Variants in SOX6 observed in about 807,000 individuals in gnomAD.
SOX6 encodes the protein transcription factor SOX-6.
Under a neutral mutation model 97.8 loss-of-function variants are expected in SOX6, and 11 were observed. The ratio of observed to expected loss-of-function variants is 0.11; its 90% confidence interval spans 0.07 to 0.19. The LOEUF (loss-of-function observed/expected upper bound fraction) is 0.19, where lower values mean the gene tolerates loss of function less well. Ranked by LOEUF, SOX6 falls within the 10% of genes least tolerant of loss-of-function variation. The probability of loss-of-function intolerance (pLI) is 1.00; values close to 1 mark genes in which losing one functional copy is unlikely to be tolerated. For missense variants in SOX6, 810 were observed against 1,039.5 expected, an observed-to-expected ratio of 0.78 and a Z score of 3.04; for synonymous variants, 360 against 371.4, an observed-to-expected ratio of 0.97 and a Z score of 0.35.
intron 4 of SOX6, among the ~76,000 whole-genome samples, chr11:16,192,686 T>A (rs773306890): frequency 1.3e-5 from 2 of 152,028 alleles, no homozygotes; most frequent in Non-Finnish European, 2.9e-5. Flanking sequence ...TCAAAACAGA[T>A]GAGAATTTAG....
intron 3 of SOX6, among the ~76,000 whole-genome samples, chr11:16,691,008 A>T (rs1444255774): frequency 6.6e-6 from 1 of 152,204 alleles, no homozygotes; most frequent in Non-Finnish European, 1.5e-5. Context: ...CGTCTACAGG[A>T]TAGGGGAAAC....
At chr11:16,421,268 C>T (rs4757398) in intron 1 of SOX6, among the ~76,000 whole-genome samples, 28,204 of 151,880 alleles carry the variant, frequency 0.19, 2,991 homozygotes, top group Admixed American at 0.31. Flanking sequence ...AGATTGAAGA[C>T]AAACACAATG....
intron 3 of SOX6, among the ~76,000 whole-genome samples, chr11:16,261,471 AT>A (rs1853894473): frequency 6.6e-6 from 1 of 152,132 alleles, no homozygotes; most frequent in South Asian, 2.1e-4. Context: ...CACAGAAAAC[AT>A]TTCAAAGGGA....
chr11:16,694,345 CAG>C (rs1261407221), intron 3 of SOX6, among the ~76,000 whole-genome samples: 1 of 152,006 alleles, frequency 6.6e-6, no homozygotes, highest in Admixed American at 6.6e-5. Flanking sequence ...CTGGGCAACA[CAG>C]AGAGACTGTG....
chr11:16,732,043 G>A (rs185569943), intron 2 of SOX6, among the ~76,000 whole-genome samples: 11 of 152,162 alleles, frequency 7.2e-5, no homozygotes, highest in Admixed American at 1.3e-4. Context: ...TGATGTGAAG[G>A]ACCTCTTCAA....
At chr11:16,682,809 C>T (rs1847938395) in intron 3 of SOX6, among the ~76,000 whole-genome samples, 1 of 152,192 alleles carries the variant, frequency 6.6e-6, no homozygotes, top group South Asian at 2.1e-4. Flanking sequence ...TCTCTGTTTG[C>T]AGATGACATG....
intron 4 of SOX6, among the ~76,000 whole-genome samples, chr11:16,559,232 G>T (rs554055557): frequency 1.3e-5 from 2 of 151,984 alleles, no homozygotes; most frequent in African/African-American, 4.8e-5. Flanking sequence ...GTATCATAAT[G>T]GTATCTGAAA....
chr11:16,720,165 C>A (rs943764070), intron 2 of SOX6, among the ~76,000 whole-genome samples: 8 of 151,668 alleles, frequency 5.3e-5, no homozygotes, highest in Admixed American at 2.0e-4. Context: ...ACTAGAAATA[C>A]CATTTGACCC....
At chr11:16,635,025 C>T (rs1461587393) in intron 3 of SOX6, among the ~76,000 whole-genome samples, 1 of 152,130 alleles carries the variant, frequency 6.6e-6, no homozygotes, top group Non-Finnish European at 1.5e-5. Context: ...CCTCCTCTGC[C>T]CTGCAGAACT....
intron 4 of SOX6, among the ~76,000 whole-genome samples, chr11:16,205,396 A>G (rs534980565): frequency 9.2e-5 from 14 of 152,270 alleles, no homozygotes; most frequent in Non-Finnish European, 1.9e-4. Context: ...TCATTTGCCC[A>G]TGTATTTGAA....
At chr11:16,410,759 C>CA (rs71044100) in intron 1 of SOX6, among the ~76,000 whole-genome samples, 26,335 of 64,150 alleles carry the variant, frequency 0.41, 4,837 homozygotes, top group East Asian at 0.56. Flanking sequence ...AACCGGTCTC[C>CA]AAAAAAAAAA....
In SOX6 at chr11:16,496,788, C is replaced by A. The variant is rs555894351; in HGVS notation, n.610-20400G>T. Among the ~76,000 whole-genome samples, 35 of 152,268 alleles carry A rather than the reference C, an allele frequency of 2.3e-4. 1 individual carries two copies. The South Asian group carries it at 7.2e-3, about 32-fold the overall frequency. Reference sequence around the variant, plus strand: ...GCTGGGGGAGGGGCACACACCACTGCTGAGGCTTGAGTAGGTAAACAAAGC... The same window carrying A: ...GCTGGGGGAGGGGCACACACCACTGATGAGGCTTGAGTAGGTAAACAAAGC... On this transcript the variant is annotated intron_variant and non_coding_transcript_variant, in intron 4 of 5. Coordinates refer to the SOX6 transcript ENST00000524520.
Position 16,376,000 on chromosome 11 carries a change from G to A in SOX6, c.-4-34748C>T, listed in dbSNP as rs1469001471. On this transcript the variant is annotated intron_variant, in intron 1 of 15. Transcript: ENST00000396356. Reference sequence around the variant, plus strand: ...CAATGAGAACACATGGACACAGGGAGGGAAACATCACACAATGGGGCCTGT... The same window carrying A: ...CAATGAGAACACATGGACACAGGGAAGGAAACATCACACAATGGGGCCTGT... 2.0e-5 allele frequency among the ~76,000 whole-genome samples: 3 copies of A among 152,040 alleles called. No individual in the cohort carries two copies. In the East Asian group the frequency reaches 5.8e-4, roughly 29 times the overall value.
At chr11:16,590,831 T>A (rs1034938005) in intron 4 of SOX6, among the ~76,000 whole-genome samples, 1 of 151,990 alleles carries the variant, frequency 6.6e-6, no homozygotes, top group Non-Finnish European at 1.5e-5. Flanking sequence ...GGTGGGCAAG[T>A]GGATATGCTT....
At chr11:16,288,171 T>C (rs904829744) in intron 3 of SOX6, among the ~76,000 whole-genome samples, 2 of 152,112 alleles carry the variant, frequency 1.3e-5, no homozygotes, top group Admixed American at 6.6e-5. Context: ...CAGTATTCCC[T>C]GGAAATAACC....
intron 4 of SOX6, among the ~76,000 whole-genome samples, chr11:16,546,597 T>C (rs895238289): frequency 1.3e-5 from 2 of 152,148 alleles, no homozygotes; most frequent in Non-Finnish European, 2.9e-5. Flanking sequence ...TCTCTCACCA[T>C]ATATAAAAGT....
At chr11:16,522,652 G>C (rs900524727) in intron 4 of SOX6, among the ~76,000 whole-genome samples, 1 of 152,020 alleles carries the variant, frequency 6.6e-6, no homozygotes, top group Non-Finnish European at 1.5e-5. Flanking sequence ...AATGTAAATG[G>C]ACTAAATGCT....
chr11:16,299,323 C>T (rs1160140672), intron 3 of SOX6, among the ~76,000 whole-genome samples: 1 of 152,054 alleles, frequency 6.6e-6, no homozygotes, highest in South Asian at 2.1e-4. Flanking sequence ...CCCAAGTGAT[C>T]ACAGGCACGA....
intron 3 of SOX6, among the ~76,000 whole-genome samples, chr11:16,632,592 G>A (rs1848725137): frequency 6.6e-6 from 1 of 152,198 alleles, no homozygotes; most frequent in African/African-American, 2.4e-5. Context: ...GTCAGACTGG[G>A]CAGGTCTCTG....
Sources: allele counts gnomAD v4.1 joint callset (sites outside exome capture counted in the v4.1 genomes callset), GRCh38; gene constraint gnomAD v4.1.1; transcripts MANE v1.5; gene names NCBI Gene and HGNC (gene_info 2026-07-23, HGNC 2026-07-21).